ERBB2: variants seen among roughly 807,000 people sequenced by gnomAD.
The protein encoded by ERBB2 is erb-b2 receptor tyrosine kinase 2.
Under a neutral mutation model 149.0 loss-of-function variants are expected in ERBB2, and 61 were observed. The observed-to-expected ratio is 0.41, with a 90% CI of 0.33 to 0.51. The LOEUF (loss-of-function observed/expected upper bound fraction) is 0.51. ERBB2 is among the 20% of genes least tolerant of loss of function. ERBB2 has a pLI of 0.25. For synonymous variants in ERBB2, 633 were observed against 678.8 expected, an observed-to-expected ratio of 0.93 and a Z score of 1.05; for missense variants, 1,205 against 1,655.1, an observed-to-expected ratio of 0.73 and a Z score of 4.72.
intron 16 of ERBB2, chr17:39,720,086 G>C (rs879914682): frequency 2.2e-5 from 11 of 507,076 alleles, no homozygotes; most frequent in Admixed American, 1.7e-4. Context: ...TTGATGCCTT[G>C]TGAGGGACAC....
rs774443757 is a variant in ERBB2 at position 39,711,935 on chromosome 17, C to T, written c.909C>T (p.Tyr303=). Residue 303 remains tyrosine (Y), a synonymous_variant, in exon 8 of 27, where the codon TAC becomes TAT. Coordinates refer to ENST00000269571, the MANE Select transcript of ERBB2 (RefSeq NM_004448.4). The stretch of plus-strand genomic sequence containing the variant: ...TGTTCCTGATCTCCTTAGACAACTA[C>T]CTTTCTACGGACGTGGGATCCTGCA... ...ASCVTACPYN[Y]LSTDVGSCTL... 6.2e-6 allele frequency: 10 copies of T among 1,614,122 alleles called. No individual in the cohort carries two copies. The highest frequency in any genetic ancestry group is 6.8e-6 in the Non-Finnish European group (8 of 1,179,988).
In ERBB2 at chr17:39,707,049, A is replaced by G. The variant is rs587778266; in HGVS notation, c.133A>G (p.Met45Val). The G allele has an allele frequency of 1.2e-6, 2 of 1,607,280 alleles. No individual in the cohort carries two copies. Among genetic ancestry groups the G allele is most frequent in the Admixed American group, 1.7e-5 (1 of 59,160 alleles). ...TGCCAGTCCCGAGACCCACCTGGAC[A>G]TGCTCCGCCACCTCTACCAGGGCTG... is the stretch of plus-strand genomic sequence containing the variant. ...LPASPETHLD[M>V]LRHLYQGCQV... The change falls in exon 2 of 27, where the codon ATG becomes GTG. Residue 45 changes from methionine (M) to valine (V), a missense_variant. Physicochemically the swap from Met to Val is conservative, Grantham distance 21. Transcript: ENST00000269571.
intron 20 of ERBB2, 58 bp from the exon 21 acceptor site, chr17:39,724,991 G>A (rs2145858958): frequency 1.2e-6 from 2 of 1,609,276 alleles, no homozygotes; most frequent in South Asian, 1.1e-5. Flanking sequence ...ACTCTTGCTG[G>A]GCATGTGGCC....
At chr17:39,716,716 C>T in intron 14 of ERBB2, 111 bp downstream of exon 14, 1 of 967,508 alleles carries the variant, frequency 1.0e-6, no homozygotes, top group Non-Finnish European at 1.6e-6. Context: ...TAAAATATCC[C>T]TGGAGAGGGC....
At chr17:39,706,238 C>T (rs1480828794) in intron 1 of ERBB2, among the ~76,000 whole-genome samples, 1 of 152,248 alleles carries the variant, frequency 6.6e-6, no homozygotes, top group East Asian at 1.9e-4. Context: ...GGCACACATT[C>T]TGCCAGCTGG....
At chr17:39,702,553 A>C (rs2058175663) in intron 1 of ERBB2, among the ~76,000 whole-genome samples, 1 of 152,194 alleles carries the variant, frequency 6.6e-6, no homozygotes, top group Non-Finnish European at 1.5e-5. Context: ...ATACTTGGGG[A>C]AAGTACTCAT....
Position 39,700,121 on chromosome 17 carries a change from C to T in ERBB2, c.-118C>T. 1 of 1,291,246 alleles carries T rather than the reference C, an allele frequency of 7.7e-7. No homozygotes were observed. The highest frequency in any genetic ancestry group is 9.8e-7 in the Non-Finnish European group (1 of 1,023,432). The allele number at this position is 1,291,246 out of a possible 1,614,324, so 80.0% of individuals were successfully genotyped here. On this transcript the variant is annotated 5_prime_UTR_variant, in exon 1 of 27. Coordinates refer to ENST00000269571, the MANE Select transcript of ERBB2 (RefSeq NM_004448.4). The stretch of plus-strand genomic sequence containing the variant: ...CCCCCCGGGCAGCCGCGCGCCCCTT[C>T]CCACGGGGCCCTTTACTGCGCCGCG...
intron 9 of ERBB2, among the ~76,000 whole-genome samples, chr17:39,712,957 A>G (rs1025824280): frequency 6.6e-6 from 1 of 152,152 alleles, no homozygotes. Context: ...CTGTGGTGGG[A>G]GAGATCAGAA....
chr17:39,705,829 G>T (rs983208014), intron 1 of ERBB2, among the ~76,000 whole-genome samples: 5 of 152,190 alleles, frequency 3.3e-5, no homozygotes, highest in African/African-American at 1.2e-4. Flanking sequence ...CCCTGAATCT[G>T]CATGTAGCCT....
chr17:39,719,564 A>G (rs1455632674), intron 15 of ERBB2, among the ~76,000 whole-genome samples: 1 of 152,186 alleles, frequency 6.6e-6, no homozygotes, highest in Non-Finnish European at 1.5e-5. Context: ...CCTATCCACC[A>G]CAAGGAGCTG....
Position 39,717,499 on chromosome 17 carries a change from T to C in ERBB2, c.1898+19T>C. On this transcript the variant is annotated intron_variant, in intron 15 of 26. Coordinates refer to ENST00000269571, the MANE Select transcript of ERBB2 (RefSeq NM_004448.4). ...CCCACTCGTGAGTCCAACGGTCTTT[T>C]CTGCAGAAAGGAGGACTTTCCTTTC... is the stretch of plus-strand genomic sequence containing the variant. 2 of 1,588,654 alleles carry C rather than the reference T, an allele frequency of 1.3e-6. No homozygotes were observed. The highest frequency in any genetic ancestry group is 2.2e-5 in the South Asian group (2 of 88,948).
rs747200104 is a variant in ERBB2, at chr17:39,717,388, C to A, written c.1806C>A (p.Ser602Arg). Reference sequence around the variant, plus strand: ...CCTTCTGCGTGGCCCGCTGCCCCAGCGGTGTGAAACCTGACCTCTCCTACA... The same window carrying A: ...CCTTCTGCGTGGCCCGCTGCCCCAGAGGTGTGAAACCTGACCTCTCCTACA... Reference protein sequence around the residue: ...DPPFCVARCPSGVKPDLSYMP... With the variant: ...DPPFCVARCPRGVKPDLSYMP... Residue 602 changes from serine to arginine, a missense_variant, in exon 15 of 27, where the codon AGC (serine) becomes AGA (arginine). By Grantham distance (110) the Ser-to-Arg change is moderately radical. Around this residue, in one of 6 missense-constraint regions of ERBB2, gnomAD observed 569 missense variants for 803.5 expected, o/e 0.71. Coordinates refer to ENST00000269571, the MANE Select transcript of ERBB2 (RefSeq NM_004448.4). 2 of 1,612,798 alleles carry A rather than the reference C, an allele frequency of 1.2e-6. No individual in the cohort carries two copies. Among genetic ancestry groups the A allele is most frequent in the African/African-American group, 2.7e-5 (2 of 74,872 alleles).
At chr17:39,722,305 C>T (rs1480216428) in intron 16 of ERBB2, among the ~76,000 whole-genome samples, 2 of 152,102 alleles carry the variant, frequency 1.3e-5, no homozygotes, top group African/African-American at 4.8e-5. Flanking sequence ...AAGCTCGAGA[C>T]CAGCCTGGGC....
chr17:39,712,104 C>T (rs1175542509), intron 8 of ERBB2, 57 bp downstream of exon 8: 1 of 1,611,642 alleles, frequency 6.2e-7, no homozygotes. Context: ...GCGCATGCAG[C>T]CTGGCCCAGC....
At chr17:39,691,421 G>A (rs1409239736), upstream of ERBB2, among the ~76,000 whole-genome samples, 1 of 151,720 alleles carries the variant, frequency 6.6e-6, no homozygotes, top group East Asian at 1.9e-4. Context: ...GCACGTGCCT[G>A]TAATCCCAGC....
intron 1 of ERBB2, among the ~76,000 whole-genome samples, chr17:39,701,231 A>G (rs545383528): frequency 2.6e-5 from 4 of 152,230 alleles, no homozygotes; most frequent in Middle Eastern, 3.4e-3. Flanking sequence ...AGCCTGGGCC[A>G]GGTATACTCT....
intron 16 of ERBB2, among the ~76,000 whole-genome samples, chr17:39,722,431 G>C (rs1344516651): frequency 6.6e-6 from 1 of 152,068 alleles, no homozygotes; most frequent in African/African-American, 2.4e-5. Context: ...TGAGCCCAGA[G>C]GTCAGGGCTG....
chr17:39,726,991 C>T lies in ERBB2; in HGVS notation c.3147C>T (p.Ser1049=), dbSNP rs1471904107. ...AGGMVHHRHR[S]SSTRSGGGDL... ...GCATGGTCCACCACAGGCACCGCAG[C>T]TCATCTACCAGGGTCAGTGCCCTCG... Residue 1049 remains serine, a synonymous_variant, in exon 25 of 27, where the codon AGC becomes AGT. Transcript: ENST00000269571. The surrounding 1 kb of genome is among the most constrained non-coding windows in gnomAD (Gnocchi z 5.1). 4.4e-6 allele frequency: 7 copies of T among 1,600,242 alleles called. No homozygotes were observed. In the African/African-American group the frequency reaches 5.4e-5, roughly 12 times the overall value.
rs912521534 is a variant in ERBB2 at position 39,728,417 on chromosome 17, C to T, written c.*373C>T. 1.5e-5 allele frequency: 4 copies of T among 269,174 alleles called. No individual in the cohort carries two copies. Among genetic ancestry groups the T allele is most frequent in the Admixed American group, 4.9e-5 (1 of 20,224 alleles). 16.7% of individuals were successfully genotyped at this position (269,174 alleles called of 1,614,324 possible). A position where few individuals can be genotyped will look rare whatever the true frequency, so the allele number is the denominator to read the frequency against. ...CTAAGGGAGTGTCTAAGAACAAAAGCGACCCATTCAGAGACTGTCCCTGAA... is the reference window on the plus strand; with the variant it reads ...CTAAGGGAGTGTCTAAGAACAAAAGTGACCCATTCAGAGACTGTCCCTGAA... On this transcript the variant is annotated 3_prime_UTR_variant, in exon 27 of 27. Coordinates refer to ENST00000269571, the MANE Select transcript of ERBB2 (RefSeq NM_004448.4).
Sources: gnomAD v4.1 joint callset for allele counts (sites outside exome capture counted in the v4.1 genomes callset) on GRCh38, gnomAD v4.1.1 for gene constraint, gnomAD v4.1.1 regional missense constraint, Gnocchi (gnomAD v3.1) non-coding constraint, MANE v1.5 for transcripts, NCBI Gene and HGNC (gene_info 2026-07-23, HGNC 2026-07-21) for gene names.